TLE4: variants seen among roughly 807,000 people sequenced by gnomAD.
TLE4 encodes the protein TLE family member 4, transcriptional corepressor.
Under a neutral mutation model 92.8 loss-of-function variants are expected in TLE4, and 8 were observed. The observed-to-expected ratio is 0.09, with a 90% CI of 0.05 to 0.16. The LOEUF (loss-of-function observed/expected upper bound fraction) is 0.16. TLE4 is among the 10% of genes least tolerant of loss of function. TLE4 has a pLI of 1.00. For synonymous variants in TLE4, 371 were observed against 374.1 expected, an observed-to-expected ratio of 0.99 and a Z score of 0.10; for missense variants, 675 against 997.6, an observed-to-expected ratio of 0.68 and a Z score of 4.36.
intron 8 of TLE4, among the ~76,000 whole-genome samples, chr9:79,663,995 G>A (rs1254461264): frequency 6.6e-6 from 1 of 152,112 alleles, no homozygotes; most frequent in East Asian, 1.9e-4. Flanking sequence ...CCTAGCAACG[G>A]GCCACGGGGC....
chr9:79,671,314 A>G (rs2062298136), intron 8 of TLE4: 1 of 455,312 alleles, frequency 2.2e-6, no homozygotes, highest in Non-Finnish European at 4.4e-6. Flanking sequence ...TTCACCTGCC[A>G]TGCTAGTGTT....
At chr9:79,684,862 C>T (rs1169814823) in intron 8 of TLE4, among the ~76,000 whole-genome samples, 1 of 152,144 alleles carries the variant, frequency 6.6e-6, no homozygotes, top group Non-Finnish European at 1.5e-5. Context: ...AGTGACAGAG[C>T]CCTACCAAAT....
intron 8 of TLE4, among the ~76,000 whole-genome samples, chr9:79,668,356 A>G (rs570890174): frequency 2.2e-4 from 33 of 152,336 alleles, no homozygotes; most frequent in African/African-American, 7.7e-4. Flanking sequence ...AGGGCTTGGC[A>G]GGAGTAGTGG....
Position 79,615,010 on chromosome 9 carries a change from T to C in TLE4, c.315+2292T>C, listed in dbSNP as rs554512042. Among the ~76,000 whole-genome samples the C allele has an allele frequency of 1.5e-3, 233 of 152,328 alleles. 1 individual carries two copies. Among genetic ancestry groups the C allele is most frequent in the African/African-American group, 5.4e-3 (224 of 41,580 alleles). ...ATTTAATTTACTCATCTTTTTCTAG[T>C]TTCCTAAGGTATGTGTGTATCTTTT... On this transcript the variant is annotated intron_variant, in intron 5 of 19. Coordinates refer to ENST00000376552, the MANE Select transcript of TLE4 (RefSeq NM_007005.6).
rs1397608777 is a variant in TLE4 at position 79,725,746 on chromosome 9, A to G, written c.*602A>G. 6.5e-6 allele frequency: 1 copy of G among 152,726 alleles called. No individual in the cohort carries two copies. The highest frequency in any genetic ancestry group is 1.5e-5 in the Non-Finnish European group (1 of 68,094). 9.5% of individuals were successfully genotyped at this position (152,726 alleles called of 1,614,324 possible). A position where few individuals can be genotyped will look rare whatever the true frequency, so the allele number is the denominator to read the frequency against. On this transcript the variant is annotated 3_prime_UTR_variant, in exon 20 of 20. Transcript: ENST00000376552. ...CTGAACAATTAGAACACAACAGGCC[A>G]ACTCATACTCATTTGGATCTATTTA...
Position 79,672,390 on chromosome 9 carries a change from A to G in TLE4, c.609+18315A>G, listed in dbSNP as rs114095723. Among the ~76,000 whole-genome samples, 1,381 of 152,188 alleles carry G rather than the reference A, an allele frequency of 9.1e-3. 26 individuals carry two copies. The highest frequency in any genetic ancestry group is 0.031 in the African/African-American group (1,286 of 41,514). ...GGGCCCCTGAGCAGACAGGATTTCAACTTCCCACATGAGCCAGGGTGGGTC... is the reference window on the plus strand; with the variant it reads ...GGGCCCCTGAGCAGACAGGATTTCAGCTTCCCACATGAGCCAGGGTGGGTC... On this transcript the variant is annotated intron_variant, in intron 8 of 19. Transcript: ENST00000376552.
chr9:79,625,503 G>A (rs2052379189), intron 5 of TLE4, among the ~76,000 whole-genome samples: 1 of 151,956 alleles, frequency 6.6e-6, no homozygotes, highest in Non-Finnish European at 1.5e-5. Context: ...TACACTAACT[G>A]ATATCATTGT....
At chr9:79,582,639 CTTTT>C (rs35195007) in intron 4 of TLE4, among the ~76,000 whole-genome samples, 2 of 115,644 alleles carry the variant, frequency 1.7e-5, no homozygotes, top group African/African-American at 3.3e-5. Context: ...TTTAATGTGG[CTTTT>C]TTTTTTTTTT....
intron 4 of TLE4, among the ~76,000 whole-genome samples, chr9:79,596,081 C>T (rs949232718): frequency 6.6e-5 from 10 of 152,186 alleles, no homozygotes; most frequent in South Asian, 6.2e-4. Context: ...CTCCTGACCT[C>T]GTGATCCGCC....
At chr9:79,682,899 A>G (rs1488480847) in intron 8 of TLE4, among the ~76,000 whole-genome samples, 1 of 152,234 alleles carries the variant, frequency 6.6e-6, no homozygotes, top group Non-Finnish European at 1.5e-5. Flanking sequence ...GACAGTCTTC[A>G]GGTTATAAAA....
intron 1 of TLE4, chr9:79,573,408 T>TGC: frequency 8.4e-7 from 1 of 1,196,780 alleles, no homozygotes; most frequent in East Asian, 3.9e-5. Flanking sequence ...GGTCCCTGGG[T>TGC]GCCTGTCTTT....
chr9:79,642,192 A>T (rs2057292452), intron 6 of TLE4, among the ~76,000 whole-genome samples: 1 of 152,084 alleles, frequency 6.6e-6, no homozygotes, highest in Non-Finnish European at 1.5e-5. Context: ...ATTACTGAAC[A>T]ACCTAAAGCA....
intron 5 of TLE4, among the ~76,000 whole-genome samples, chr9:79,623,358 T>C (rs1035545893): frequency 3.3e-5 from 5 of 152,212 alleles, no homozygotes; most frequent in African/African-American, 4.8e-5. Flanking sequence ...TATACACATA[T>C]TACTGGTTTG....
chr9:79,721,730 G>A lies in TLE4; in HGVS notation c.1839-11G>A. ...TTTTCAAGGGCTTTCCCTCCATTTT[G>A]ACATTTTCAGGCAATTCCAGGGCCA... On this transcript the variant is annotated splice_polypyrimidine_tract_variant and intron_variant, in intron 16 of 19. Transcript: ENST00000376552. 1 of 1,613,716 alleles carries A rather than the reference G, an allele frequency of 6.2e-7. No homozygotes were observed. Among genetic ancestry groups the A allele is most frequent in the Non-Finnish European group, 8.5e-7 (1 of 1,179,926 alleles).
At chr9:79,583,240 G>A (rs1026436956) in intron 4 of TLE4, among the ~76,000 whole-genome samples, 4 of 152,124 alleles carry the variant, frequency 2.6e-5, no homozygotes, top group Non-Finnish European at 5.9e-5. Context: ...AGAGCTGCAC[G>A]TGTAACCCTT....
intron 8 of TLE4, chr9:79,671,487 A>G: frequency 3.4e-6 from 1 of 296,854 alleles, no homozygotes; most frequent in South Asian, 2.9e-5. Context: ...TGTAAACCAT[A>G]ACAATTCTGG....
intron 4 of TLE4, among the ~76,000 whole-genome samples, chr9:79,578,486 T>G (rs930417371): frequency 6.6e-6 from 1 of 152,230 alleles, no homozygotes; most frequent in African/African-American, 2.4e-5. Flanking sequence ...TGTGATGCAG[T>G]CATGGCTCTG....
intron 8 of TLE4, among the ~76,000 whole-genome samples, chr9:79,657,223 C>T (rs574910166): frequency 2.0e-5 from 3 of 152,140 alleles, no homozygotes; most frequent in Non-Finnish European, 4.4e-5. Context: ...CAGTAAGTCC[C>T]ACATTTGAGG....
At chr9:79,714,625 T>C (rs1274735384) in intron 14 of TLE4, among the ~76,000 whole-genome samples, 2 of 152,256 alleles carry the variant, frequency 1.3e-5, no homozygotes, top group African/African-American at 4.8e-5. Context: ...TTCTTTCCTT[T>C]TCAAAACACT....
Sources: gnomAD v4.1 joint callset for allele counts (sites outside exome capture counted in the v4.1 genomes callset) on GRCh38, gnomAD v4.1.1 for gene constraint, MANE v1.5 for transcripts, NCBI Gene and HGNC (gene_info 2026-07-23, HGNC 2026-07-21) for gene names.